Variants in TRPC7 observed in about 807,000 individuals in gnomAD.
The protein encoded by TRPC7 is short transient receptor potential channel 7.
A neutral mutation model predicts 90.1 loss-of-function variants in TRPC7; 42 were observed. That is an observed-to-expected ratio of 0.47 (90% CI 0.36 to 0.60). The LOEUF is 0.60. Among genes scored for constraint, TRPC7 ranks in the 20% least tolerant of loss-of-function variants. TRPC7 has a pLI of 0.00. For missense variants in TRPC7, 955 were observed against 1,112.3 expected (o/e 0.86, Z 2.01); for synonymous variants, 451 against 436.3 (o/e 1.03, Z -0.42).
chr5:136,216,749 A>G (rs1005168677), intron 10 of TRPC7, among the ~76,000 whole-genome samples: 1 of 152,176 alleles, frequency 6.6e-6, no homozygotes, highest in Non-Finnish European at 1.5e-5. Flanking sequence ...CCCTTCATGA[A>G]GAGATCCGCT....
In TRPC7 at chr5:136,252,834, C is replaced by T. The variant is rs866631350; in HGVS notation, c.1346-952G>A. On this transcript the variant is annotated intron_variant, in intron 5 of 11. Coordinates refer to ENST00000513104, the MANE Select transcript of TRPC7 (RefSeq NM_020389.3). ...TGGCTTGCCCACCGCTTACCTCCTGCTGTTCAGCTCGATTCCTAACAGGCC... is the reference window on the plus strand; with the variant it reads ...TGGCTTGCCCACCGCTTACCTCCTGTTGTTCAGCTCGATTCCTAACAGGCC... Among the ~76,000 whole-genome samples the T allele has an allele frequency of 2.6e-5, 4 of 152,360 alleles. No individual in the cohort carries two copies. The Middle Eastern group carries it at 0.014, about 518-fold the overall frequency.
chr5:136,273,679 C>T (rs967516719), intron 4 of TRPC7, among the ~76,000 whole-genome samples: 2 of 152,178 alleles, frequency 1.3e-5, no homozygotes, highest in African/African-American at 4.8e-5. Flanking sequence ...AACCACATTA[C>T]CTGATCAAAT....
chr5:136,295,775 G>A (rs542735130), intron 3 of TRPC7, among the ~76,000 whole-genome samples: 1 of 152,206 alleles, frequency 6.6e-6, no homozygotes, highest in Non-Finnish European at 1.5e-5. Flanking sequence ...AGCCATAGAA[G>A]CATGTAGGCT....
Position 136,226,180 on chromosome 5 carries a change from G to T in TRPC7, c.2116C>A (p.Pro706Thr). ...LSYFDEGRTL[P>T]APFNLVPSPK... ...CTTGGCACTAGATTAAAAGGAGCAG[G>T]TAGAGTTCTTCCTTCATCAAAGTAA... The change falls in exon 9 of 12, where the codon CCT becomes ACT. Residue 706 changes from proline (P) to threonine (T), a missense_variant. Pro to Thr is a conservative substitution (Grantham distance 38, BLOSUM62 -1). This residue lies in a region of TRPC7 where 296 missense variants were observed against 422.7 expected (regional missense o/e 0.70). Transcript: ENST00000513104. 1 of 1,556,742 alleles carries T rather than the reference G, an allele frequency of 6.4e-7. No homozygotes were observed. The highest frequency in any genetic ancestry group is 8.7e-7 in the Non-Finnish European group (1 of 1,148,924).
At chr5:136,341,780 C>T (rs1217523929) in intron 2 of TRPC7, among the ~76,000 whole-genome samples, 3 of 152,198 alleles carry the variant, frequency 2.0e-5, no homozygotes, top group African/African-American at 7.2e-5. Flanking sequence ...TTAGCTCCTG[C>T]TTCTGACAAT....
intron 4 of TRPC7, among the ~76,000 whole-genome samples, 195 bp downstream of exon 4, chr5:136,274,478 A>C (rs1757297953): frequency 6.6e-6 from 1 of 152,162 alleles, no homozygotes. Flanking sequence ...TCTCTTTGAA[A>C]AAAAAAAGAT....
In TRPC7 at chr5:136,315,777, G is replaced by A. The variant is rs774965806; in HGVS notation, c.783C>T (p.Asn261=). 6.8e-6 allele frequency: 11 copies of A among 1,612,840 alleles called. No individual in the cohort carries two copies. The highest frequency in any genetic ancestry group is 5.0e-5 in the Admixed American group (3 of 59,962). ...RLANIETEFK[N]DYRKLSMQCK... is the part of the protein sequence containing the mutation. Reference sequence around the variant, plus strand: ...ATTGCATAGATAACTTCCTGTAATCGTTCTAACAGAATAGAGAGAAATCAG... The same window carrying A: ...ATTGCATAGATAACTTCCTGTAATCATTCTAACAGAATAGAGAGAAATCAG... The change falls in exon 3 of 12, where the codon AAC becomes AAT. Residue 261 remains asparagine, a splice_region_variant and synonymous_variant. Coordinates refer to ENST00000513104, the MANE Select transcript of TRPC7 (RefSeq NM_020389.3).
chr5:136,343,960 C>T (rs2149854014), intron 2 of TRPC7, among the ~76,000 whole-genome samples: 1 of 152,172 alleles, frequency 6.6e-6, no homozygotes, highest in Middle Eastern at 3.4e-3. Flanking sequence ...ATCGTTCTAC[C>T]ATAAAGACAT....
At chr5:136,276,234 G>T (rs1037893698) in intron 3 of TRPC7, among the ~76,000 whole-genome samples, 1 of 152,158 alleles carries the variant, frequency 6.6e-6, no homozygotes, top group Non-Finnish European at 1.5e-5. Context: ...GCCATTGTTT[G>T]CTTTTGACAG....
At chr5:136,301,799 CCTGT>C (rs1009495639) in intron 3 of TRPC7, among the ~76,000 whole-genome samples, 2 of 151,882 alleles carry the variant, frequency 1.3e-5, no homozygotes, top group African/African-American at 4.9e-5. Flanking sequence ...TCACACAAAG[CCTGT>C]TTGGTGGTCT....
intron 1 of TRPC7, among the ~76,000 whole-genome samples, chr5:136,360,861 C>A (rs1348637129): frequency 6.6e-6 from 1 of 152,154 alleles, no homozygotes; most frequent in Non-Finnish European, 1.5e-5. Context: ...TTTTTATTAG[C>A]TCTGACTCCC....
Position 136,247,700 on chromosome 5 carries a change from T to C in TRPC7, c.1615A>G (p.Ile539Val). 6.2e-7 allele frequency: 1 copy of C among 1,613,896 alleles called. No individual in the cohort carries two copies. The highest frequency in any genetic ancestry group is 8.5e-7 in the Non-Finnish European group (1 of 1,179,836). The change falls in exon 7 of 12, where the codon ATA becomes GTA. Residue 539 changes from isoleucine to valine, a missense_variant. This residue lies in a region of TRPC7 where 296 missense variants were observed against 422.7 expected (regional missense o/e 0.70). Coordinates refer to ENST00000513104, the MANE Select transcript of TRPC7 (RefSeq NM_020389.3). This position sits in a 1 kb window ranked among gnomAD's most constrained non-coding sequence, Gnocchi z 4.2. ...DKWWPSDPQI[I>V]SEGLYAIAVV... is the part of the protein sequence containing the mutation. ...GCTATCGCGTAGAGCCCTTCCGATATGATCTGAGGGTCTGAAGGCCACCAC... is the reference window on the plus strand; with the variant it reads ...GCTATCGCGTAGAGCCCTTCCGATACGATCTGAGGGTCTGAAGGCCACCAC...
chr5:136,248,197 G>A (rs1369774544), intron 6 of TRPC7, among the ~76,000 whole-genome samples: 1 of 152,208 alleles, frequency 6.6e-6, no homozygotes. Context: ...GAATAAGATG[G>A]GCAAGAGCAT....
At chr5:136,363,087 A>G (rs1465559251) in intron 1 of TRPC7, among the ~76,000 whole-genome samples, 1 of 152,152 alleles carries the variant, frequency 6.6e-6, no homozygotes, top group Non-Finnish European at 1.5e-5. Context: ...ATGAATTCCT[A>G]AGTAAAATCA....
chr5:136,337,645 G>A (rs541684191), intron 2 of TRPC7, among the ~76,000 whole-genome samples: 1 of 145,400 alleles, frequency 6.9e-6, no homozygotes, highest in East Asian at 2.0e-4. Context: ...CAGCCTGGGC[G>A]ACAGAGGGAG....
intron 3 of TRPC7, among the ~76,000 whole-genome samples, chr5:136,288,044 A>G (rs759644411): frequency 1.2e-4 from 19 of 152,170 alleles, no homozygotes; most frequent in Non-Finnish European, 2.6e-4. Flanking sequence ...ATTGTTCTAA[A>G]TGATTTTCAT....
chr5:136,279,645 C>T (rs59521914), intron 3 of TRPC7, among the ~76,000 whole-genome samples: 5 of 152,170 alleles, frequency 3.3e-5, no homozygotes, highest in South Asian at 2.1e-4. Flanking sequence ...AAGAGGCCAC[C>T]CTCCATACCT....
In TRPC7 at chr5:136,356,925, C is replaced by T; in HGVS notation, c.463G>A (p.Asp155Asn). ...TGGGAGAAGCGCGTGCCGTCCTCGT[C>T]GTAGGCATAGAAGTCGTCGTCGCGC... ...ELRDDDFYAY[D>N]EDGTRFSHDI... The change falls in exon 2 of 12, where the codon GAC (aspartate) becomes AAC (asparagine). Residue 155 changes from aspartate to asparagine, a missense_variant. Physicochemically the swap from Asp to Asn is conservative, Grantham distance 23. Around this residue, in one of 4 missense-constraint regions of TRPC7, gnomAD observed 484 missense variants for 509.6 expected, o/e 0.95. Transcript: ENST00000513104. 1 of 1,613,662 alleles carries T rather than the reference C, an allele frequency of 6.2e-7. No homozygotes were observed. The highest frequency in any genetic ancestry group is 8.5e-7 in the Non-Finnish European group (1 of 1,179,946).
At chr5:136,296,121 G>T (rs1580916680) in intron 3 of TRPC7, among the ~76,000 whole-genome samples, 3 of 152,292 alleles carry the variant, frequency 2.0e-5, no homozygotes, top group Admixed American at 2.0e-4. Flanking sequence ...GTGTGGTGTG[G>T]TATGGTGTGG....
Sources: gnomAD v4.1 joint callset for allele counts (sites outside exome capture counted in the v4.1 genomes callset) on GRCh38, gnomAD v4.1.1 for gene constraint, gnomAD v4.1.1 regional missense constraint, Gnocchi (gnomAD v3.1) non-coding constraint, MANE v1.5 for transcripts, NCBI Gene and HGNC (gene_info 2026-07-23, HGNC 2026-07-21) for gene names.